Variants in GOLGA3 observed in about 807,000 individuals in gnomAD.
GOLGA3 encodes golgin A3.
Under a neutral mutation model 169.4 loss-of-function variants are expected in GOLGA3, and 75 were observed. The ratio of observed to expected loss-of-function variants is 0.44; its 90% CI spans 0.37 to 0.54. The LOEUF (loss-of-function observed/expected upper bound fraction) is 0.54. GOLGA3 is among the 20% of genes least tolerant of loss of function. The pLI is 0.00. For missense variants in GOLGA3, 1,899 were observed against 1,930.0 expected (o/e 0.98, Z 0.30); for synonymous variants, 824 against 822.4 (o/e 1.00, Z -0.03).
In GOLGA3 at chr12:132,804,978, G is replaced by A. The variant is rs1225686802; in HGVS notation, c.1335C>T (p.Leu445=). 1.2e-6 allele frequency: 2 copies of A among 1,612,434 alleles called. No individual in the cohort carries two copies. Among genetic ancestry groups the A allele is most frequent in the South Asian group, 1.1e-5 (1 of 91,062 alleles). ...KAELQAQLAA[L]STKLQAQVEC... ...CCACCTGCGCCTGCAGCTTCGTGCT[G>A]AGGGCGGCCAGCTGGGCCTGCAGCT... is the stretch of plus-strand genomic sequence containing the variant. The change falls in exon 7 of 24, where the codon CTC becomes CTT. Residue 445 remains leucine, a synonymous_variant. Transcript: ENST00000450791. This position sits in a 1 kb window ranked among gnomAD's most constrained non-coding sequence, Gnocchi z 4.1.
Position 132,776,984 on chromosome 12 carries a change from T to G in GOLGA3, c.3829A>C (p.Ser1277Arg). Residue 1277 changes from serine (S) to arginine (R), a missense_variant, in exon 20 of 24, where the codon AGC becomes CGC. By Grantham distance (110) the Ser-to-Arg change is moderately radical (BLOSUM62 -1). Transcript: ENST00000450791. The part of the protein sequence containing the change: ...LLQKQLDEQL[S>R]KQPVGNQEME... ...TCTTGGTTTCCCACGGGCTGTTTGC[T>G]GAGCTGCTCGTCCAGCTGCTTCTGC... 2.5e-6 allele frequency: 4 copies of G among 1,606,042 alleles called. No homozygotes were observed. Among genetic ancestry groups the G allele is most frequent in the South Asian group, 1.1e-5 (1 of 89,824 alleles).
chr12:132,804,964 T>C lies in GOLGA3; in HGVS notation c.1349A>G (p.Gln450Arg), dbSNP rs773068949. 1.9e-6 allele frequency: 3 copies of C among 1,612,918 alleles called. No individual in the cohort carries two copies. In the East Asian group the frequency reaches 6.7e-5, roughly 36 times the overall value. ...GCTGTGGCTGCACTCCACCTGCGCC[T>C]GCAGCTTCGTGCTGAGGGCGGCCAG... The part of the protein sequence containing the change: ...AQLAALSTKL[Q>R]AQVECSHSSQ... Residue 450 changes from glutamine (Q) to arginine (R), a missense_variant, in exon 7 of 24, where the codon CAG (glutamine) becomes CGG (arginine). By Grantham distance (43) the Gln-to-Arg change is conservative. Transcript: ENST00000450791. This position sits in a 1 kb window ranked among gnomAD's most constrained non-coding sequence, Gnocchi z 4.1.
In GOLGA3 at chr12:132,776,702, T is replaced by C. The variant is rs1566068149; in HGVS notation, c.3910A>G (p.Lys1304Glu). ...DQKEREIQSL[K>E]QQLDLTEQQG... The stretch of plus-strand genomic sequence containing the variant: ...TGCTCCGTCAAGTCCAGCTGCTGCT[T>C]CAAGGACTGGATTTCTCTTTCTTTC... Residue 1304 changes from lysine (K) to glutamate (E), a missense_variant, in exon 21 of 24, where the codon AAG becomes GAG. Transcript: ENST00000450791. 2 of 1,614,082 alleles carry C rather than the reference T, an allele frequency of 1.2e-6. No homozygotes were observed. Among genetic ancestry groups the C allele is most frequent in the Non-Finnish European group, 1.7e-6 (2 of 1,179,998 alleles).
intron 1 of GOLGA3, among the ~76,000 whole-genome samples, chr12:132,826,368 A>ATGCAGAGGAGAACTGC (rs113757502): frequency 2.2e-4 from 33 of 152,198 alleles, no homozygotes; most frequent in Middle Eastern, 3.4e-3. Context: ...CAGGTGGAAC[A>ATGCAGAGGAGAACTGC]TGCAGAGGAG....
chr12:132,790,931 G>A (rs978196639), intron 12 of GOLGA3, among the ~76,000 whole-genome samples: 25 of 147,472 alleles, frequency 1.7e-4, no homozygotes, highest in Admixed American at 9.5e-4. Context: ...GGCGCCTGTA[G>A]TCGCAGCTAC....
At position 132,777,889 on chromosome 12, in the gene GOLGA3, TC is replaced by T; in HGVS notation, c.3583-85del. On this transcript the variant is annotated intron_variant, in intron 18 of 23. Transcript: ENST00000450791. This position sits in a 1 kb window ranked among gnomAD's most constrained non-coding sequence, Gnocchi z 4.7. ...TGCCGGGCGCAGGGGGTGAATGCAC[TC>T]CCGGCCCCGTGCATGTCCTGGCTGC... is the stretch of plus-strand genomic sequence containing the variant. The T allele has an allele frequency of 7.0e-7, 1 of 1,431,584 alleles. No individual in the cohort carries two copies. The allele number at this position is 1,431,584 out of a possible 1,614,324, so 88.7% of individuals were successfully genotyped here. A position where few individuals can be genotyped will look rare whatever the true frequency, so the allele number is the denominator to read the frequency against.
chr12:132,806,374 G>A (rs1024949761), intron 6 of GOLGA3, among the ~76,000 whole-genome samples: 2 of 152,218 alleles, frequency 1.3e-5, no homozygotes, highest in Non-Finnish European at 2.9e-5. Flanking sequence ...AGTGACGACC[G>A]TACAACCAGA....
At position 132,777,630 on chromosome 12, in the gene GOLGA3, G is replaced by A; in HGVS notation, c.3722+36C>T. On this transcript the variant is annotated intron_variant, in intron 19 of 23. Coordinates refer to ENST00000450791, the MANE Select transcript of GOLGA3 (RefSeq NM_001389683.1). The surrounding 1 kb of genome is among the most constrained non-coding windows in gnomAD (Gnocchi z 4.7). ...TTAGACCCCGCCCATTGCCAGGACA[G>A]CCATGTTTGAGGGCTGGCGGGGCCC... 1 of 1,611,380 alleles carries A rather than the reference G, an allele frequency of 6.2e-7. No individual in the cohort carries two copies. The highest frequency in any genetic ancestry group is 8.5e-7 in the Non-Finnish European group (1 of 1,178,530).
intron 4 of GOLGA3, among the ~76,000 whole-genome samples, chr12:132,810,692 A>ACGCC (rs2136644979): frequency 6.6e-6 from 1 of 152,292 alleles, no homozygotes; most frequent in Non-Finnish European, 1.5e-5. Flanking sequence ...ATCTGGGAAG[A>ACGCC]CGCCCATTGC....
rs1366746683 is a variant in GOLGA3, at chr12:132,804,350, T to C, written c.1597+366A>G. ...GGTCAATCTCCAAGACCTAATTCAT[T>C]CCCCTGGATGTGCACACAAAAATGT... On this transcript the variant is annotated intron_variant, in intron 7 of 23. Coordinates refer to ENST00000450791, the MANE Select transcript of GOLGA3 (RefSeq NM_001389683.1). This position sits in a 1 kb window ranked among gnomAD's most constrained non-coding sequence, Gnocchi z 4.1. 6.6e-6 allele frequency among the ~76,000 whole-genome samples: 1 copy of C among 152,206 alleles called. No homozygotes were observed. The highest frequency in any genetic ancestry group is 2.4e-5 in the African/African-American group (1 of 41,460).
intron 2 of GOLGA3, among the ~76,000 whole-genome samples, chr12:132,819,091 G>C (rs1950106235): frequency 6.6e-6 from 1 of 150,378 alleles, no homozygotes; most frequent in Admixed American, 6.6e-5. Flanking sequence ...TGTGAGGGGG[G>C]AGGGAGGGTC....
chr12:132,808,516 T>C lies in GOLGA3; in HGVS notation c.553A>G (p.Ser185Gly). Residue 185 changes from serine (S) to glycine (G), a missense_variant, in exon 5 of 24, where the codon AGC becomes GGC. By Grantham distance (56) the Ser-to-Gly change is moderately conservative. Coordinates refer to ENST00000450791, the MANE Select transcript of GOLGA3 (RefSeq NM_001389683.1). ...SQPATKTRLF[S>G]TLDPELMLNP... The stretch of plus-strand genomic sequence containing the variant: ...AACATGAGCTCAGGATCAAGCGTGC[T>C]AAAAAGTCTCGTTTTGGTTGCAGGT... The C allele has an allele frequency of 6.3e-7, 1 of 1,596,124 alleles. No individual in the cohort carries two copies. The highest frequency in any genetic ancestry group is 1.1e-5 in the South Asian group (1 of 88,478).
intron 18 of GOLGA3, among the ~76,000 whole-genome samples, chr12:132,778,440 G>A (rs866250397): frequency 3.3e-4 from 50 of 151,658 alleles, no homozygotes; most frequent in African/African-American, 1.1e-3. Context: ...GCGTGGTGGC[G>A]GGCACCTGTA....
chr12:132,776,046 C>T (rs948827282), intron 21 of GOLGA3, among the ~76,000 whole-genome samples: 7 of 152,370 alleles, frequency 4.6e-5, no homozygotes, highest in East Asian at 3.9e-4. Flanking sequence ...CCCCACTGGA[C>T]GAGGGCGCCA....
rs1406285114 is a variant in GOLGA3, at chr12:132,821,872, A to C, written c.133+124T>G. 645 of 666,646 alleles carry C rather than the reference A, an allele frequency of 9.7e-4. 9 individuals carry two copies. In the East Asian group the frequency reaches 0.017, roughly 17 times the overall value. 41.3% of individuals were successfully genotyped at this position (666,646 alleles called of 1,614,324 possible). On this transcript the variant is annotated intron_variant, in intron 2 of 23. Coordinates refer to ENST00000450791, the MANE Select transcript of GOLGA3 (RefSeq NM_001389683.1). ...CCGTCTCAAAAAAAAAAAAAAAAAA[A>C]AACAACTTTGAATTAAGTGAAAAGC... is the stretch of plus-strand genomic sequence containing the variant.
chr12:132,822,185 A>C lies in GOLGA3; in HGVS notation c.-57T>G. On this transcript the variant is annotated 5_prime_UTR_variant, in exon 2 of 24. Transcript: ENST00000450791. Reference sequence around the variant, plus strand: ...AGGGGCTACAAGTGAACCTTGGACAAGCTTGGCTTCTGCCATCAGCAACAG... The same window carrying C: ...AGGGGCTACAAGTGAACCTTGGACACGCTTGGCTTCTGCCATCAGCAACAG... 1 of 1,549,392 alleles carries C rather than the reference A, an allele frequency of 6.5e-7. No homozygotes were observed.
At chr12:132,779,238 C>T (rs2045417263) in intron 18 of GOLGA3, among the ~76,000 whole-genome samples, 1 of 152,118 alleles carries the variant, frequency 6.6e-6, no homozygotes, top group Non-Finnish European at 1.5e-5. Context: ...TGCCACCACG[C>T]CAGGCTAATT....
At chr12:132,780,352 T>G (rs2045528276) in intron 18 of GOLGA3, among the ~76,000 whole-genome samples, 1 of 152,142 alleles carries the variant, frequency 6.6e-6, no homozygotes, top group Non-Finnish European at 1.5e-5. Flanking sequence ...GGGGTCAGGA[T>G]GGGCCTCTGC....
intron 12 of GOLGA3, 65 bp from the exon 13 acceptor site, chr12:132,789,355 C>G: frequency 7.1e-7 from 1 of 1,410,464 alleles, no homozygotes; most frequent in South Asian, 1.4e-5. Context: ...ACCTGGGGGT[C>G]AAGCTGGCTT....
Sources: allele counts gnomAD v4.1 joint callset (sites outside exome capture counted in the v4.1 genomes callset), GRCh38; gene constraint gnomAD v4.1.1; non-coding constraint Gnocchi (gnomAD v3.1); transcripts MANE v1.5; gene names NCBI Gene and HGNC (gene_info 2026-07-23, HGNC 2026-07-21).